The following FYCO1 variants were observed in gnomAD, a reference collection of about 807,000 sequenced individuals.
FYCO1 encodes FYVE and coiled-coil domain autophagy adaptor 1.
Under a neutral mutation model 165.1 loss-of-function variants are expected in FYCO1, and 122 were observed. The ratio of observed to expected loss-of-function variants is 0.74; its 90% CI spans 0.64 to 0.86. The LOEUF is 0.86. Among genes scored for constraint, FYCO1 ranks in the 40% least tolerant of loss-of-function variants. The pLI is 0.00. For synonymous variants in FYCO1, 648 were observed against 742.5 expected (o/e 0.87, Z 2.07); for missense variants, 1,702 against 1,810.3 (o/e 0.94, Z 1.09).
rs911686300 is a variant in FYCO1 at position 45,919,423 on chromosome 3, G to A, written c.*2342C>T. 2 of 152,214 alleles carry A rather than the reference G, an allele frequency of 1.3e-5. No individual in the cohort carries two copies. Among genetic ancestry groups the A allele is most frequent in the African/African-American group, 4.8e-5 (2 of 41,448 alleles). 9.4% of individuals were successfully genotyped at this position (152,214 alleles called of 1,614,324 possible). A position where few individuals can be genotyped will look rare whatever the true frequency, so the allele number is the denominator to read the frequency against. ...TAGTTAGGAAGTCACCTCAGGGCAC[G>A]GGGCAGTCCTCCGAATGCAGCAAAG... On this transcript the variant is annotated 3_prime_UTR_variant, in exon 18 of 18. Coordinates refer to ENST00000296137, the MANE Select transcript of FYCO1 (RefSeq NM_024513.4).
chr3:45,956,092 T>C (rs1002451331), intron 13 of FYCO1, among the ~76,000 whole-genome samples: 8 of 152,108 alleles, frequency 5.3e-5, no homozygotes, highest in Admixed American at 2.6e-4. Context: ...TCCCAGCACT[T>C]TGGGAAGCCG....
chr3:45,979,167 G>T (rs1294095365), intron 4 of FYCO1, among the ~76,000 whole-genome samples: 1 of 152,160 alleles, frequency 6.6e-6, no homozygotes, highest in South Asian at 2.1e-4. Flanking sequence ...GCCTGTTCTG[G>T]AGTTTTGTAA....
At chr3:45,949,149 A>T (rs962776664) in intron 14 of FYCO1, among the ~76,000 whole-genome samples, 7 of 152,194 alleles carry the variant, frequency 4.6e-5, no homozygotes, top group Non-Finnish European at 7.3e-5. Flanking sequence ...TTCAGAGCCC[A>T]CATGATCCTA....
In FYCO1 at chr3:45,946,395, G is replaced by A. The variant is rs2234354; in HGVS notation, c.3944+8854C>T. The A allele has an allele frequency of 6.1e-4, 737 of 1,212,566 alleles. 3 individuals carry two copies. In the African/African-American group the frequency reaches 9.9e-3, roughly 16 times the overall value. 75.1% of individuals were successfully genotyped at this position (1,212,566 alleles called of 1,614,324 possible). A position where few individuals can be genotyped will look rare whatever the true frequency, so the allele number is the denominator to read the frequency against. The stretch of plus-strand genomic sequence containing the variant: ...ATTTGCCCCCTAAATGTGGTCAATG[G>A]GATAGCAGGAAGACAAAGAATGCCA... On this transcript the variant is annotated intron_variant, in intron 14 of 17. Coordinates refer to ENST00000296137, the MANE Select transcript of FYCO1 (RefSeq NM_024513.4).
chr3:45,960,040 T>G (rs1255355320), intron 11 of FYCO1, among the ~76,000 whole-genome samples: 1 of 152,156 alleles, frequency 6.6e-6, no homozygotes, highest in Non-Finnish European at 1.5e-5. Flanking sequence ...TGATCAGATG[T>G]TAGCCTCCTC....
intron 1 of FYCO1, among the ~76,000 whole-genome samples, chr3:45,994,632 T>G (rs927029681): frequency 6.6e-6 from 1 of 152,154 alleles, no homozygotes; most frequent in Non-Finnish European, 1.5e-5. Flanking sequence ...CTTGGCATGA[T>G]AGCTCCAGCT....
intron 16 of FYCO1, among the ~76,000 whole-genome samples, chr3:45,930,618 C>T (rs375534934): frequency 1.3e-5 from 2 of 152,196 alleles, no homozygotes; most frequent in Non-Finnish European, 2.9e-5. Flanking sequence ...ATTTCAAGCT[C>T]GACCACCCAA....
At chr3:45,928,171 G>T (rs1703413050) in intron 16 of FYCO1, among the ~76,000 whole-genome samples, 1 of 152,144 alleles carries the variant, frequency 6.6e-6, no homozygotes, top group East Asian at 1.9e-4. Context: ...CAGTGGTAAT[G>T]GTGGTACAAC....
In FYCO1 at chr3:45,966,690, A is replaced by G; in HGVS notation, c.2644T>C (p.Cys882Arg). ...ALQEELSQAK[C>R]SSEEAQLEHA... ...TCCAGCTGTGCTTCCTCGGAGCTGC[A>G]TTTGGCCTGGGACAGCTCCTCCTGC... Residue 882 changes from cysteine (C) to arginine (R), a missense_variant, in exon 8 of 18, where the codon TGC (cysteine) becomes CGC (arginine). Transcript: ENST00000296137. 1.2e-6 allele frequency: 2 copies of G among 1,613,712 alleles called. No individual in the cohort carries two copies. The highest frequency in any genetic ancestry group is 1.7e-6 in the Non-Finnish European group (2 of 1,179,960).
chr3:45,961,941 G>A (rs976627812), intron 11 of FYCO1, among the ~76,000 whole-genome samples: 16 of 152,182 alleles, frequency 1.1e-4, no homozygotes, highest in Non-Finnish European at 1.8e-4. Context: ...GCAGTTCTAG[G>A]CCAAGACATA....
In FYCO1 at chr3:45,969,755, T is replaced by C. The variant is rs1434797626; in HGVS notation, c.550A>G (p.Thr184Ala). ...CACAGGTAAGCAGAAGAGCCAGTGG[T>C]CAGCGTCCTCCTGTGGGGCCACAAA... Reference protein sequence around the residue: ...AWPTFARRTLTTGSSAYLWKP... With the variant: ...AWPTFARRTLATGSSAYLWKP... The change falls in exon 7 of 18, where the codon ACC becomes GCC. Residue 184 changes from threonine to alanine, a missense_variant. By Grantham distance (58) the Thr-to-Ala change is moderately conservative (BLOSUM62 0). Transcript: ENST00000296137. 9 of 1,613,638 alleles carry C rather than the reference T, an allele frequency of 5.6e-6. No homozygotes were observed. The Admixed American group carries it at 1.5e-4, about 27-fold the overall frequency.
intron 14 of FYCO1, among the ~76,000 whole-genome samples, chr3:45,951,734 G>C (rs1994489): frequency 0.47 from 71,786 of 152,014 alleles, 18,395 homozygotes; most frequent in South Asian, 0.71. Flanking sequence ...AGGGGCTGTG[G>C]TCCTGCTCTG....
chr3:45,929,386 G>A (rs1703479300), intron 16 of FYCO1, among the ~76,000 whole-genome samples: 1 of 152,218 alleles, frequency 6.6e-6, no homozygotes, highest in Non-Finnish European at 1.5e-5. Context: ...AGCAAGGGGA[G>A]AGGCCCACAG....
At chr3:45,983,375 A>C (rs1707149474) in intron 2 of FYCO1, among the ~76,000 whole-genome samples, 1 of 152,246 alleles carries the variant, frequency 6.6e-6, no homozygotes, top group Non-Finnish European at 1.5e-5. Context: ...TTGTATGCTT[A>C]TTAAGACGTT....
intron 14 of FYCO1, chr3:45,946,919 C>A (rs777480334): frequency 1.2e-6 from 2 of 1,614,232 alleles, no homozygotes; most frequent in Non-Finnish European, 1.7e-6. Context: ...AGAGGATGAC[C>A]TGGGGCAAGG....
At chr3:45,980,002 CA>C (rs1439531078) in intron 3 of FYCO1, among the ~76,000 whole-genome samples, 172 bp from the exon 4 acceptor site, 2 of 152,174 alleles carry the variant, frequency 1.3e-5, no homozygotes, top group African/African-American at 4.8e-5. Flanking sequence ...CCTGTTCATA[CA>C]GCTGGGTGGA....
chr3:45,975,413 T>C, intron 4 of FYCO1, 68 bp from the exon 5 acceptor site: 3 of 1,219,808 alleles, frequency 2.5e-6, no homozygotes, highest in Non-Finnish European at 3.6e-6. Context: ...CCTGGTCTCA[T>C]AGATGGCTTG....
At chr3:45,939,827 C>T (rs1349923087) in intron 14 of FYCO1, among the ~76,000 whole-genome samples, 2 of 152,196 alleles carry the variant, frequency 1.3e-5, no homozygotes, top group Non-Finnish European at 2.9e-5. Context: ...CCATATGTGG[C>T]TATATAAACT....
intron 14 of FYCO1, 136 bp from the exon 15 acceptor site, chr3:45,936,679 C>G (rs1703910428): frequency 2.8e-6 from 2 of 721,098 alleles, no homozygotes; most frequent in African/African-American, 1.7e-5. Flanking sequence ...GAGGCCATGA[C>G]AGAGACCCTG....
Sources: allele counts gnomAD v4.1 joint callset (sites outside exome capture counted in the v4.1 genomes callset), GRCh38; gene constraint gnomAD v4.1.1; transcripts MANE v1.5; gene names NCBI Gene and HGNC (gene_info 2026-07-23, HGNC 2026-07-21).